GRIK2: variants seen among roughly 807,000 people sequenced by gnomAD.
The protein encoded by GRIK2 is glutamate ionotropic receptor kainate type subunit 2, also known as glutamate receptor ionotropic, kainate 2.
GRIK2 carries 32 observed loss-of-function variants against 100.3 expected under a neutral mutation model. The ratio of observed to expected loss-of-function variants is 0.32; its 90% CI spans 0.24 to 0.43. The LOEUF (loss-of-function observed/expected upper bound fraction) is 0.43, where lower values mean the gene tolerates loss of function less well. GRIK2 is among the 20% of genes least tolerant of loss of function. The pLI is 1.00. For synonymous variants in GRIK2, 417 were observed against 389.4 expected (o/e 1.07, Z -0.83); for missense variants, 843 against 1,114.9 (o/e 0.76, Z 3.47).
Position 102,000,958 on chromosome 6 carries a change from C to CT in GRIK2, c.2086-34375dup, listed in dbSNP as rs1194972888. Among the ~76,000 whole-genome samples the CT allele has an allele frequency of 6.6e-5, 10 of 151,552 alleles. No individual in the cohort carries two copies. In the East Asian group the frequency reaches 9.7e-4, roughly 15 times the overall value. On this transcript the variant is annotated intron_variant, in intron 14 of 16. Transcript: ENST00000369134. The stretch of plus-strand genomic sequence containing the variant: ...TTCATTTGTTTTTCTTTTTCTAATT[C>CT]TTTTTTTTCTGATATCCTGACATTC...
chr6:101,505,439 A>G (rs149841643), intron 2 of GRIK2, among the ~76,000 whole-genome samples: 2 of 152,236 alleles, frequency 1.3e-5, no homozygotes, highest in East Asian at 1.9e-4. Flanking sequence ...TTCTCCTTCA[A>G]TGTTTCAGGT....
intron 11 of GRIK2, among the ~76,000 whole-genome samples, chr6:101,875,666 G>C (rs1582433742): frequency 6.6e-6 from 1 of 151,536 alleles, no homozygotes; most frequent in East Asian, 1.9e-4. Flanking sequence ...TTGACTCATT[G>C]TTTTTTCCCC....
rs930395155 is a variant in GRIK2, at chr6:101,949,651, A to G, written c.2085+21019A>G. Among the ~76,000 whole-genome samples, 3 of 152,062 alleles carry G rather than the reference A, an allele frequency of 2.0e-5. 1 individual carries two copies. Among genetic ancestry groups the G allele is most frequent in the Admixed American group, 2.0e-4 (3 of 15,258 alleles). ...GTGTTTGCTGAGAATGATGCTTTCT[A>G]TCTTCATCCATGTCCCTGCAAAGGA... On this transcript the variant is annotated intron_variant, in intron 14 of 16. Transcript: ENST00000369134.
At chr6:101,555,654 T>C (rs1216883365) in intron 2 of GRIK2, among the ~76,000 whole-genome samples, 1 of 152,210 alleles carries the variant, frequency 6.6e-6, no homozygotes, top group Non-Finnish European at 1.5e-5. Flanking sequence ...TTCAGAATTA[T>C]AATGTTTGTA....
intron 14 of GRIK2, among the ~76,000 whole-genome samples, chr6:102,005,984 A>AAAG (rs747025069): frequency 6.6e-6 from 1 of 151,934 alleles, no homozygotes; most frequent in Non-Finnish European, 1.5e-5. Flanking sequence ...TTCCTCTTAT[A>AAAG]AAGATTCAAG....
At chr6:101,616,731 T>C (rs1419115346) in intron 2 of GRIK2, among the ~76,000 whole-genome samples, 1 of 151,792 alleles carries the variant, frequency 6.6e-6, no homozygotes, top group East Asian at 1.9e-4. Flanking sequence ...AGGACTTCAA[T>C]AAAGTTTGTG....
At chr6:102,048,579 C>CTT (rs1188205352) in intron 15 of GRIK2, among the ~76,000 whole-genome samples, 1 of 151,918 alleles carries the variant, frequency 6.6e-6, no homozygotes, top group Non-Finnish European at 1.5e-5. Flanking sequence ...ATACAAATGA[C>CTT]TAACAGATAT....
Position 102,031,076 on chromosome 6 carries a change from TACACACACAC to T in GRIK2, c.2086-4222_2086-4213del, listed in dbSNP as rs55900001. On this transcript the variant is annotated intron_variant, in intron 14 of 16. Coordinates refer to ENST00000369134, the MANE Select transcript of GRIK2 (RefSeq NM_021956.5). ...TCAATAATTACCAAGTATTATGCAT[TACACACACAC>T]ACACACACACACACACACACACACA... Among the ~76,000 whole-genome samples, 948 of 118,394 alleles carry T rather than the reference TACACACACAC, an allele frequency of 8.0e-3. 11 individuals are homozygous for T. The highest frequency in any genetic ancestry group is 0.025 in the South Asian group (83 of 3,328). The allele number at this position is 118,394 out of a possible 152,430, so 77.7% of individuals were successfully genotyped here. A position where few individuals can be genotyped will look rare whatever the true frequency, so the allele number is the denominator to read the frequency against.
intron 2 of GRIK2, among the ~76,000 whole-genome samples, chr6:101,550,226 G>T (rs1776438943): frequency 6.6e-6 from 1 of 152,136 alleles, no homozygotes; most frequent in Admixed American, 6.5e-5. Flanking sequence ...TGGCAGCTGT[G>T]TATTCTCACT....
intron 10 of GRIK2, among the ~76,000 whole-genome samples, chr6:101,850,909 T>TA (rs145456318): frequency 0.012 from 1,808 of 152,182 alleles, 39 homozygotes; most frequent in African/African-American, 0.041. Flanking sequence ...TTTCTTCTCT[T>TA]ACGTGAGGTT....
At chr6:102,064,297 C>A (rs1489417065) in intron 16 of GRIK2, among the ~76,000 whole-genome samples, 2 of 149,498 alleles carry the variant, frequency 1.3e-5, no homozygotes, top group Non-Finnish European at 3.0e-5. Flanking sequence ...CCTTCTCCTC[C>A]TTCTCCTCTC....
At chr6:101,836,663 T>A (rs12055663) in intron 10 of GRIK2, among the ~76,000 whole-genome samples, 1,415 of 75,500 alleles carry the variant, frequency 0.019, 20 homozygotes, top group African/African-American at 0.035. Flanking sequence ...ATATATATAT[T>A]TTTTTTTTTT....
intron 2 of GRIK2, among the ~76,000 whole-genome samples, chr6:101,585,272 G>C (rs867020197): frequency 6.6e-6 from 1 of 151,976 alleles, no homozygotes; most frequent in Non-Finnish European, 1.5e-5. Flanking sequence ...TTTTAAAATA[G>C]ATATTAAAAT....
intron 2 of GRIK2, among the ~76,000 whole-genome samples, chr6:101,417,996 G>A (rs1776230971): frequency 6.6e-6 from 1 of 152,224 alleles, no homozygotes; most frequent in Admixed American, 6.5e-5. Context: ...ACAACAGACT[G>A]TCTCTCAAAT....
intron 11 of GRIK2, among the ~76,000 whole-genome samples, chr6:101,875,646 G>T (rs895153552): frequency 6.6e-6 from 1 of 151,770 alleles, no homozygotes; most frequent in African/African-American, 2.4e-5. Context: ...TACATTGAAT[G>T]AGTTTTCTTT....
intron 2 of GRIK2, among the ~76,000 whole-genome samples, chr6:101,460,672 A>AG (rs1454132637): frequency 2.6e-5 from 4 of 152,168 alleles, no homozygotes; most frequent in Non-Finnish European, 4.4e-5. Context: ...TTTGAACAGT[A>AG]GGGGGTTATC....
intron 2 of GRIK2, among the ~76,000 whole-genome samples, chr6:101,570,068 T>G (rs1777459871): frequency 6.6e-6 from 1 of 152,042 alleles, no homozygotes; most frequent in African/African-American, 2.4e-5. Context: ...ATGCAAAAAC[T>G]GCTTAAGACT....
intron 7 of GRIK2, among the ~76,000 whole-genome samples, chr6:101,794,672 C>T (rs2128410629): frequency 6.6e-6 from 1 of 151,020 alleles, no homozygotes; most frequent in Non-Finnish European, 1.5e-5. Flanking sequence ...CTCTGTGTCT[C>T]ATTGAGCTTC....
chr6:101,631,865 C>A (rs1241698251), intron 4 of GRIK2, among the ~76,000 whole-genome samples: 2 of 151,946 alleles, frequency 1.3e-5, no homozygotes, highest in African/African-American at 4.8e-5. Flanking sequence ...AAATGCAATT[C>A]TGATCTGTTT....
Sources: allele counts gnomAD v4.1 joint callset (sites outside exome capture counted in the v4.1 genomes callset), GRCh38; gene constraint gnomAD v4.1.1; transcripts MANE v1.5; gene names NCBI Gene and HGNC (gene_info 2026-07-23, HGNC 2026-07-21).